RDH12: variants seen among roughly 807,000 people sequenced by gnomAD.
RDH12 encodes the protein all-trans and 9-cis retinol dehydrogenase.
A neutral mutation model predicts 34.0 loss-of-function variants in RDH12; 21 were observed. The ratio of observed to expected loss-of-function variants is 0.62; its 90% confidence interval spans 0.44 to 0.89. The LOEUF (loss-of-function observed/expected upper bound fraction) is 0.89. RDH12 is among the 40% of genes least tolerant of loss of function. The probability of loss-of-function intolerance (pLI) is 0.00; values close to 1 mark genes in which losing one functional copy is unlikely to be tolerated. For missense variants in RDH12, 394 were observed against 398.6 expected (o/e 0.99, Z 0.10); for synonymous variants, 198 against 169.9 (o/e 1.17, Z -1.29).
chr14:67,721,083 T>G (rs1296971911), intron 2 of RDH12, among the ~76,000 whole-genome samples, 181 bp downstream of exon 2: 1 of 152,200 alleles, frequency 6.6e-6, no homozygotes, highest in East Asian at 1.9e-4. Context: ...TAAATGTGTG[T>G]TGAGGATGAA....
chr14:67,724,467 C>A lies in RDH12; in HGVS notation c.69-6C>A. The A allele has an allele frequency of 6.3e-7, 1 of 1,590,514 alleles. No individual in the cohort carries two copies. Among genetic ancestry groups the A allele is most frequent in the Non-Finnish European group, 8.6e-7 (1 of 1,164,668 alleles). ...TACGTGATGCTCTTGTTTCCCTTGC[C>A]GATAGGAAGTTCTTTGCTGGTGGAG... On this transcript the variant is annotated splice_region_variant and splice_polypyrimidine_tract_variant and intron_variant, in intron 3 of 8. Transcript: ENST00000551171.
At position 67,722,611 on chromosome 14, in the gene RDH12, C is replaced by A. The variant is rs2038136733; in HGVS notation, c.-32C>A. ...GCTGGGGTTGAAGCTGGAGCAGCAG[C>A]AAAAGCAACAGCAGCTACAGAAGTT... On this transcript the variant is annotated 5_prime_UTR_variant, in exon 3 of 9. Transcript: ENST00000551171. 2.5e-6 allele frequency: 4 copies of A among 1,601,144 alleles called. No homozygotes were observed. The highest frequency in any genetic ancestry group is 3.4e-6 in the Non-Finnish European group (4 of 1,168,116).
intron 3 of RDH12, 143 bp downstream of exon 3, chr14:67,722,853 T>G (rs2038141364): frequency 1.3e-6 from 1 of 777,480 alleles, no homozygotes; most frequent in East Asian, 2.6e-5. Flanking sequence ...AAGGGGGTGT[T>G]GTGGATACCA....
intron 8 of RDH12, among the ~76,000 whole-genome samples, chr14:67,731,207 C>CTTTTTTTTTTTTTTTTTTTTTTTT (rs71129853): frequency 1.1e-5 from 1 of 90,622 alleles, no homozygotes; most frequent in African/African-American, 4.9e-5. Flanking sequence ...TTCTTTCTTT[C>CTTTTTTTTTTTTTTTTTTTTTTTT]TTTTTTTTTT....
In RDH12 at chr14:67,729,217, C is replaced by T. The variant is rs1252565353; in HGVS notation, c.685C>T (p.His229Tyr). 6.2e-7 allele frequency: 1 copy of T among 1,612,302 alleles called. No homozygotes were observed. Among genetic ancestry groups the T allele is most frequent in the Non-Finnish European group, 8.5e-7 (1 of 1,179,998 alleles). Residue 229 changes from histidine to tyrosine, a missense_variant, in exon 8 of 9, where the codon CAC becomes TAC. Transcript: ENST00000551171. ...QGTGVTTYAV[H>Y]PGVVRSELVR... ...CACCGGGGTCACCACCTACGCAGTG[C>T]ACCCAGGCGTCGTCCGCTCTGAGCT...
In RDH12 at chr14:67,733,877, C is replaced by G. The variant is rs754461258; in HGVS notation, c.*29C>G. 7 of 1,514,132 alleles carry G rather than the reference C, an allele frequency of 4.6e-6. No individual in the cohort carries two copies. Among genetic ancestry groups the G allele is most frequent in the Non-Finnish European group, 6.4e-6 (7 of 1,090,710 alleles). 93.8% of individuals were successfully genotyped at this position (1,514,132 alleles called of 1,614,324 possible). ...GTGGAAGAGCTGCAGCTTTATCAGG[C>G]CCAATCCATGCCATAATGAACAGGG... On this transcript the variant is annotated 3_prime_UTR_variant, in exon 9 of 9. Coordinates refer to ENST00000551171, the MANE Select transcript of RDH12 (RefSeq NM_152443.3).
intron 1 of RDH12, among the ~76,000 whole-genome samples, chr14:67,705,744 C>A (rs1017629469): frequency 6.6e-6 from 1 of 152,042 alleles, no homozygotes; most frequent in Non-Finnish European, 1.5e-5. Flanking sequence ...ATTATTTTTG[C>A]AATTTTTTGT....
rs2037928564 is a variant in RDH12, at chr14:67,704,154, T to G, written c.-275+2219T>G. Among the ~76,000 whole-genome samples the G allele has an allele frequency of 2.6e-5, 4 of 152,236 alleles. No homozygotes were observed. The South Asian group carries it at 8.3e-4, about 32-fold the overall frequency. On this transcript the variant is annotated intron_variant, in intron 1 of 8. Coordinates refer to ENST00000551171, the MANE Select transcript of RDH12 (RefSeq NM_152443.3). ...TTCCCCCTTTTGAGGGAAGGAAATGTGTGTATTGTGAAATTCTAAAAAATC... is the reference window on the plus strand; with the variant it reads ...TTCCCCCTTTTGAGGGAAGGAAATGGGTGTATTGTGAAATTCTAAAAAATC...
rs115455005 is a variant in RDH12 at position 67,724,489 on chromosome 14, G to A, written c.85G>A (p.Gly29Arg). Residue 29 changes from glycine to arginine, a missense_variant, in exon 4 of 9, where the codon GGA (glycine) becomes AGA (arginine). Transcript: ENST00000551171. ...TGCCGATAGGAAGTTCTTTGCTGGTGGAGTGTGTAGAACAAATGTGCAGCT... is the reference window on the plus strand; with the variant it reads ...TGCCGATAGGAAGTTCTTTGCTGGTAGAGTGTGTAGAACAAATGTGCAGCT... ...APSIRKFFAG[G>R]VCRTNVQLPG... is the part of the protein sequence containing the mutation. 9.4e-5 allele frequency: 152 copies of A among 1,612,878 alleles called. No individual in the cohort carries two copies. In the African/African-American group the frequency reaches 1.8e-3, roughly 19 times the overall value.
intron 5 of RDH12, 59 bp downstream of exon 5, chr14:67,725,313 A>G (rs1462581166): frequency 1.9e-6 from 3 of 1,548,738 alleles, no homozygotes; most frequent in Non-Finnish European, 2.7e-6. Flanking sequence ...TGGCTGCTCC[A>G]CCCTAGACCA....
chr14:67,729,693 CCTT>C (rs766460448), intron 8 of RDH12: 4 of 558,774 alleles, frequency 7.2e-6, no homozygotes, highest in East Asian at 4.1e-5. Context: ...TCGTTTTTCT[CCTT>C]CTTTAAGCTT....
intron 7 of RDH12, among the ~76,000 whole-genome samples, chr14:67,728,700 T>TTG (rs1190664804): frequency 4.7e-5 from 3 of 64,432 alleles, no homozygotes; most frequent in Non-Finnish European, 1.2e-4. Context: ...CAGGGATATC[T>TTG]TGTGGGGGGG....
chr14:67,710,044 C>T (rs2037993360), intron 1 of RDH12, among the ~76,000 whole-genome samples: 1 of 152,152 alleles, frequency 6.6e-6, no homozygotes, highest in Non-Finnish European at 1.5e-5. Context: ...CTGGAAGCTC[C>T]CTCCCCACTT....
intron 5 of RDH12, 44 bp from the exon 6 acceptor site, chr14:67,726,007 G>A (rs1005047566): frequency 4.8e-5 from 62 of 1,295,224 alleles, no homozygotes; most frequent in Non-Finnish European, 6.5e-5. Flanking sequence ...GGCAGCTAGG[G>A]GACTCCTTGC....
In RDH12 at chr14:67,734,081, G is replaced by A. The variant is rs2038322109; in HGVS notation, c.*233G>A. On this transcript the variant is annotated 3_prime_UTR_variant, in exon 9 of 9. Transcript: ENST00000551171. ...AGTGTTCTTCTCTAAGACCTGGAAA[G>A]TCAGCAACCCTCTGGGGGCAGCAGG... 2 of 402,254 alleles carry A rather than the reference G, an allele frequency of 5.0e-6. No homozygotes were observed. The highest frequency in any genetic ancestry group is 6.7e-5 in the Admixed American group (2 of 29,914). 24.9% of individuals were successfully genotyped at this position (402,254 alleles called of 1,614,324 possible).
intron 3 of RDH12, among the ~76,000 whole-genome samples, chr14:67,723,328 G>C (rs952210384): frequency 1.3e-5 from 2 of 152,142 alleles, no homozygotes; most frequent in Middle Eastern, 3.2e-3. Flanking sequence ...TGAACTCTTG[G>C]GCTCAAGCAA....
chr14:67,729,436 CTCGCTGGGCTGT>C (rs2038238646), intron 8 of RDH12, 56 bp downstream of exon 8: 1 of 1,532,860 alleles, frequency 6.5e-7, no homozygotes. Flanking sequence ...AGGTGCCGGA[CTCGCTGGGCTGT>C]TCATCCTGAG....
At chr14:67,710,779 C>T (rs1162448676) in intron 1 of RDH12, among the ~76,000 whole-genome samples, 1 of 151,468 alleles carries the variant, frequency 6.6e-6, no homozygotes, top group African/African-American at 2.4e-5. Context: ...TTAGAAAATA[C>T]CCAAATAATG....
intron 7 of RDH12, among the ~76,000 whole-genome samples, chr14:67,728,834 CT>C (rs1275093135): frequency 3.3e-5 from 5 of 152,020 alleles, no homozygotes; most frequent in Non-Finnish European, 2.9e-5. Context: ...ATCGCTACCC[CT>C]AAACTCCTCC....
Sources: allele counts gnomAD v4.1 joint callset (sites outside exome capture counted in the v4.1 genomes callset), GRCh38; gene constraint gnomAD v4.1.1; transcripts MANE v1.5; gene names NCBI Gene and HGNC (gene_info 2026-07-23, HGNC 2026-07-21).